TMEM267: variants seen among roughly 807,000 people sequenced by gnomAD.
The protein encoded by TMEM267 is transmembrane protein C5orf28.
TMEM267 carries 20 observed loss-of-function variants against 19.3 expected under a neutral mutation model. That is an observed-to-expected ratio of 1.04 (90% CI 0.73 to 1.51). TMEM267 has a LOEUF of 1.51. Among genes scored for constraint, TMEM267 ranks in the 40% most tolerant of loss-of-function variants. The pLI is 0.00. For synonymous variants in TMEM267, 88 were observed against 90.3 expected (o/e 0.97, Z 0.15); for missense variants, 242 against 261.9 (o/e 0.92, Z 0.52).
At chr5:43,456,161 G>A (rs1199868413) in intron 1 of TMEM267, among the ~76,000 whole-genome samples, 1 of 152,134 alleles carries the variant, frequency 6.6e-6, no homozygotes, top group African/African-American at 2.4e-5. Flanking sequence ...TGATAAAGGT[G>A]CAAAGATAAA....
chr5:43,467,656 T>A (rs1743822663), intron 1 of TMEM267, among the ~76,000 whole-genome samples: 1 of 152,154 alleles, frequency 6.6e-6, no homozygotes, highest in Non-Finnish European at 1.5e-5. Flanking sequence ...CACCCCACTT[T>A]TGGCATTGGA....
rs534567145 is a variant in TMEM267, at chr5:43,472,468, A to G, written c.-75+11354T>C. Among the ~76,000 whole-genome samples the G allele has an allele frequency of 8.8e-4, 133 of 151,164 alleles. No homozygotes were observed. In the Middle Eastern group the frequency reaches 0.017, roughly 19 times the overall value. ...TATACCGAAAAGAAAGGAAATCAGT[A>G]TATCAAAGAGATATCTACACTCCTA... On this transcript the variant is annotated intron_variant, in intron 1 of 2. Coordinates refer to ENST00000397080, the MANE Select transcript of TMEM267 (RefSeq NM_022483.5).
At chr5:43,480,961 C>T (rs555038412) in intron 1 of TMEM267, among the ~76,000 whole-genome samples, 23 of 151,314 alleles carry the variant, frequency 1.5e-4, no homozygotes, top group Middle Eastern at 3.4e-3. Context: ...CCCGCCACCA[C>T]GCTCAGCTAA....
At chr5:43,469,147 C>A (rs1185615076) in intron 1 of TMEM267, among the ~76,000 whole-genome samples, 1 of 151,864 alleles carries the variant, frequency 6.6e-6, no homozygotes, top group Non-Finnish European at 1.5e-5. Flanking sequence ...TTTAACAGTG[C>A]ATCTTAACTA....
chr5:43,462,729 C>T (rs1743343481), intron 1 of TMEM267, among the ~76,000 whole-genome samples: 2 of 151,980 alleles, frequency 1.3e-5, no homozygotes, highest in South Asian at 4.1e-4. Flanking sequence ...TTTGAAAATA[C>T]AGTCAGAGGA....
intron 1 of TMEM267, among the ~76,000 whole-genome samples, chr5:43,480,504 T>G (rs1209657771): frequency 6.6e-6 from 1 of 151,442 alleles, no homozygotes; most frequent in Non-Finnish European, 1.5e-5. Context: ...CTTTTTTTTT[T>G]AAGAGACAGG....
chr5:43,469,327 A>G (rs1158585901), intron 1 of TMEM267, among the ~76,000 whole-genome samples: 1 of 152,210 alleles, frequency 6.6e-6, no homozygotes, highest in Non-Finnish European at 1.5e-5. Context: ...CTAAAGGCCA[A>G]TATCTCTGAT....
chr5:43,479,646 A>T (rs1744643046), intron 1 of TMEM267, among the ~76,000 whole-genome samples: 1 of 152,130 alleles, frequency 6.6e-6, no homozygotes, highest in Non-Finnish European at 1.5e-5. Flanking sequence ...AATAATAGAC[A>T]CAAGAAATAA....
intron 1 of TMEM267, among the ~76,000 whole-genome samples, chr5:43,467,062 T>C (rs1287543590): frequency 6.7e-6 from 1 of 150,284 alleles, no homozygotes. Flanking sequence ...GGCAGGAGAA[T>C]TGCTTGAACC....
rs1744762851 is a variant in TMEM267, at chr5:43,481,525, A to G, written c.-75+2297T>C. ...AGTATTTACATGATGATCCAAATTTAAAGCGACCTCAACAAGCAAAATTTA... is the reference window on the plus strand; with the variant it reads ...AGTATTTACATGATGATCCAAATTTGAAGCGACCTCAACAAGCAAAATTTA... On this transcript the variant is annotated intron_variant, in intron 1 of 2. Coordinates refer to ENST00000397080, the MANE Select transcript of TMEM267 (RefSeq NM_022483.5). 2.6e-5 allele frequency among the ~76,000 whole-genome samples: 4 copies of G among 152,194 alleles called. No individual in the cohort carries two copies. In the South Asian group the frequency reaches 8.3e-4, roughly 31 times the overall value.
chr5:43,474,509 C>T (rs1744289079), intron 1 of TMEM267, among the ~76,000 whole-genome samples: 1 of 152,158 alleles, frequency 6.6e-6, no homozygotes. Context: ...CCTGTAATCC[C>T]AGCACTTTGG....
At chr5:43,458,350 C>G (rs1055920477) in intron 1 of TMEM267, among the ~76,000 whole-genome samples, 8 of 152,196 alleles carry the variant, frequency 5.3e-5, no homozygotes, top group African/African-American at 1.9e-4. Context: ...AATCTTCCCA[C>G]CTCAGCCTCC....
chr5:43,466,023 A>G (rs1310766115), intron 1 of TMEM267, among the ~76,000 whole-genome samples: 1 of 152,048 alleles, frequency 6.6e-6, no homozygotes, highest in Non-Finnish European at 1.5e-5. Flanking sequence ...ACTTTTTAAA[A>G]CTTTAAAAAA....
chr5:43,454,208 A>ATTTTT (rs374076278), intron 1 of TMEM267, among the ~76,000 whole-genome samples, 165 bp from the exon 2 acceptor site: 1 of 133,656 alleles, frequency 7.5e-6, no homozygotes, highest in Non-Finnish European at 1.6e-5. Context: ...AGGAGAATAG[A>ATTTTT]TTTTTTTTTT....
At chr5:43,457,485 G>A (rs1294485430) in intron 1 of TMEM267, among the ~76,000 whole-genome samples, 1 of 152,152 alleles carries the variant, frequency 6.6e-6, no homozygotes. Context: ...CATGGTGGAA[G>A]GTAAAGAGGA....
rs917360035 is a variant in TMEM267, at chr5:43,444,913, T to C, written c.*1309A>G. On this transcript the variant is annotated 3_prime_UTR_variant, in exon 3 of 3. Coordinates refer to ENST00000397080, the MANE Select transcript of TMEM267 (RefSeq NM_022483.5). ...AAAACTCCCCTAAAGAGCTTGAACC[T>C]TCATAATAATTTACAGAATTCTGTT... 2.0e-5 allele frequency: 3 copies of C among 152,172 alleles called. No homozygotes were observed. The highest frequency in any genetic ancestry group is 4.4e-5 in the Non-Finnish European group (3 of 68,034). The allele number at this position is 152,172 out of a possible 1,614,324, so 9.4% of individuals were successfully genotyped here. A position where few individuals can be genotyped will look rare whatever the true frequency, so the allele number is the denominator to read the frequency against.
chr5:43,451,123 G>A (rs1045129255), intron 2 of TMEM267, among the ~76,000 whole-genome samples: 38 of 151,964 alleles, frequency 2.5e-4, no homozygotes, highest in Admixed American at 1.5e-3. Flanking sequence ...CACCGCACCC[G>A]GCCCATTTAC....
rs1357259411 is a variant in TMEM267 at position 43,446,498 on chromosome 5, C to A, written c.372G>T (p.Val124=). ...GCATAGTAAATTTCAGGGTCAGAAC[C>A]ACAACGGGAATCACAGTAGAACAGT... ...FLHCSTVIPV[V]VLTLKFTMHL... is the part of the protein sequence containing the mutation. Residue 124 remains valine, a synonymous_variant, in exon 3 of 3, where the codon GTG becomes GTT. Transcript: ENST00000397080. 21 of 1,613,858 alleles carry A rather than the reference C, an allele frequency of 1.3e-5. No individual in the cohort carries two copies. Among genetic ancestry groups the A allele is most frequent in the Non-Finnish European group, 1.8e-5 (21 of 1,179,950 alleles).
rs369301982 is a variant in TMEM267 at position 43,459,387 on chromosome 5, C to T, written c.-74-5344G>A. On this transcript the variant is annotated intron_variant, in intron 1 of 2. Transcript: ENST00000397080. ...ACCAAATAAAATACAAATACCACAA[C>T]AAATGTGAATGTGTTAAATTTCTCT... Among the ~76,000 whole-genome samples, 272 of 152,264 alleles carry T rather than the reference C, an allele frequency of 1.8e-3. 9 individuals are homozygous for T. In the South Asian group the frequency reaches 0.055, roughly 31 times the overall value.
Sources: allele counts gnomAD v4.1 joint callset (sites outside exome capture counted in the v4.1 genomes callset), GRCh38; gene constraint gnomAD v4.1.1; transcripts MANE v1.5; gene names NCBI Gene and HGNC (gene_info 2026-07-23, HGNC 2026-07-21).